CCDC134: variants seen among roughly 807,000 people sequenced by gnomAD.
CCDC134 encodes the protein coiled-coil domain containing 134.
A neutral mutation model predicts 25.6 loss-of-function variants in CCDC134; 27 were observed. That is an observed-to-expected ratio of 1.05 (90% CI 0.78 to 1.45). The LOEUF (loss-of-function observed/expected upper bound fraction) is 1.45. CCDC134 is among the 40% of genes most tolerant of loss of function. CCDC134 has a pLI of 0.00. For missense variants in CCDC134, 261 were observed against 286.7 expected (o/e 0.91, Z 0.65); for synonymous variants, 110 against 115.0 (o/e 0.96, Z 0.28).
chr22:41,825,288 C>T lies in CCDC134; in HGVS notation c.565-410C>T, dbSNP rs1468804891. The stretch of plus-strand genomic sequence containing the variant: ...CCGCCAATGAAGTCCTCATCCTCCA[C>T]CCCCCCACTTGCCTTGTCATCTGTG... On this transcript the variant is annotated intron_variant, in intron 6 of 6. Transcript: ENST00000255784. This position sits in a 1 kb window ranked among gnomAD's most constrained non-coding sequence, Gnocchi z 4.4. Among the ~76,000 whole-genome samples, 2 of 151,498 alleles carry T rather than the reference C, an allele frequency of 1.3e-5. No individual in the cohort carries two copies. Among genetic ancestry groups the T allele is most frequent in the Admixed American group, 6.6e-5 (1 of 15,232 alleles).
intron 1 of CCDC134, among the ~76,000 whole-genome samples, chr22:41,802,100 A>G (rs73885826): frequency 0.01 from 1,581 of 152,202 alleles, 26 homozygotes; most frequent in African/African-American, 0.037. Context: ...TGATCTTGTT[A>G]TCAGTCATTT....
intron 1 of CCDC134, 97 bp from the exon 2 acceptor site, chr22:41,808,778 G>A: frequency 2.1e-6 from 2 of 941,570 alleles, no homozygotes; most frequent in East Asian, 5.1e-5. Flanking sequence ...TACAGAGGCT[G>A]CACTATGTCG....
chr22:41,819,993 ATAT>A lies in CCDC134; in HGVS notation c.565-5704_565-5702del, dbSNP rs1569358012. 2.0e-3 allele frequency among the ~76,000 whole-genome samples: 265 copies of A among 133,052 alleles called. 5 individuals are homozygous for A. Among genetic ancestry groups the A allele is most frequent in the African/African-American group, 7.4e-3 (257 of 34,650 alleles). 87.3% of individuals were successfully genotyped at this position (133,052 alleles called of 152,430 possible). A position where few individuals can be genotyped will look rare whatever the true frequency, so the allele number is the denominator to read the frequency against. ...TATATATATATATATATATATATAT[ATAT>A]ATAATTTTTTTTTTTTGAGACGGAG... On this transcript the variant is annotated intron_variant, in intron 6 of 6. Coordinates refer to ENST00000255784, the MANE Select transcript of CCDC134 (RefSeq NM_024821.5).
intron 6 of CCDC134, among the ~76,000 whole-genome samples, chr22:41,822,300 A>G (rs1412187908): frequency 6.6e-6 from 1 of 152,184 alleles, no homozygotes. Flanking sequence ...GAGAGGAAAT[A>G]AATTGATGAC....
chr22:41,813,493 G>C (rs747219908), intron 5 of CCDC134, 48 bp downstream of exon 5: 5 of 1,598,356 alleles, frequency 3.1e-6, no homozygotes, highest in Non-Finnish European at 4.3e-6. Flanking sequence ...TCGGGTAGTG[G>C]ACTAGGATCC....
intron 3 of CCDC134, 86 bp downstream of exon 3, chr22:41,810,086 G>T: frequency 1.9e-6 from 3 of 1,598,610 alleles, no homozygotes; most frequent in South Asian, 1.1e-5. Context: ...TAACGGGTTG[G>T]TGTTCAGGGA....
In CCDC134 at chr22:41,831,587, G is replaced by A. The variant is rs1483977691; in HGVS notation, c.*5764G>A. On this transcript the variant is annotated 3_prime_UTR_variant, in exon 7 of 7. Transcript: ENST00000255784. ...GGCTGCCAGCAGCTCCTCCTGCCTC[G>A]AGGCCTTTGTCCATGTCATCATTTC... The A allele has an allele frequency of 1.3e-5, 2 of 152,190 alleles. No homozygotes were observed. The highest frequency in any genetic ancestry group is 4.8e-5 in the African/African-American group (2 of 41,446). 9.4% of individuals were successfully genotyped at this position (152,190 alleles called of 1,614,324 possible). A position where few individuals can be genotyped will look rare whatever the true frequency, so the allele number is the denominator to read the frequency against.
At chr22:41,824,102 A>G (rs1432328932) in intron 6 of CCDC134, among the ~76,000 whole-genome samples, 1 of 152,198 alleles carries the variant, frequency 6.6e-6, no homozygotes, top group Non-Finnish European at 1.5e-5. Flanking sequence ...ACCCTCATGG[A>G]ATGTGCTGTC....
chr22:41,810,074 C>A, intron 3 of CCDC134, 74 bp downstream of exon 3: 1 of 1,604,152 alleles, frequency 6.2e-7, no homozygotes, highest in Non-Finnish European at 8.5e-7. Flanking sequence ...ACAGGAGTTC[C>A]CTAACGGGTT....
In CCDC134 at chr22:41,813,275, G is replaced by A. The variant is rs200805727; in HGVS notation, c.322G>A (p.Val108Met). The change falls in exon 5 of 7, where the codon GTG (valine) becomes ATG (methionine). Residue 108 changes from valine to methionine, a missense_variant. Val to Met is a conservative substitution (Grantham distance 21). Transcript: ENST00000255784. ...DEKLKDAFSHVVENTAFFGDV... is the reference protein window; with the variant it reads ...DEKLKDAFSHMVENTAFFGDV... ...GGTCCTCTCGCCAGCTTTCTCCCACGTGGTGGAGAACACGGCCTTCTTCGG... is the reference window on the plus strand; with the variant it reads ...GGTCCTCTCGCCAGCTTTCTCCCACATGGTGGAGAACACGGCCTTCTTCGG... The A allele has an allele frequency of 2.5e-6, 4 of 1,614,196 alleles. No homozygotes were observed. The highest frequency in any genetic ancestry group is 2.2e-5 in the East Asian group (1 of 44,874).
intron 1 of CCDC134, among the ~76,000 whole-genome samples, chr22:41,802,222 C>G (rs1477516222): frequency 1.3e-5 from 2 of 149,640 alleles, no homozygotes; most frequent in African/African-American, 4.9e-5. Context: ...GTTTTTAACA[C>G]AAACGACTCT....
chr22:41,801,948 C>T (rs2076545580), intron 1 of CCDC134, among the ~76,000 whole-genome samples: 1 of 152,130 alleles, frequency 6.6e-6, no homozygotes, highest in African/African-American at 2.4e-5. Context: ...AGATAGTTAT[C>T]CTTGGCTACA....
chr22:41,810,882 T>C (rs535472412), intron 4 of CCDC134, among the ~76,000 whole-genome samples: 56 of 152,258 alleles, frequency 3.7e-4, no homozygotes, highest in African/African-American at 1.3e-3. Context: ...AACTCAAATC[T>C]CCACCATAAC....
intron 2 of CCDC134, among the ~76,000 whole-genome samples, chr22:41,809,433 T>C (rs2076583623): frequency 6.6e-6 from 1 of 152,164 alleles, no homozygotes; most frequent in Admixed American, 6.5e-5. Flanking sequence ...TGTTACTCTG[T>C]GACCAGTGCT....
chr22:41,807,791 C>T (rs1025985652), intron 1 of CCDC134, among the ~76,000 whole-genome samples: 1 of 151,752 alleles, frequency 6.6e-6, no homozygotes, highest in Non-Finnish European at 1.5e-5. Context: ...GAGGCTGGGG[C>T]GAGAGGATCT....
rs780457044 is a variant in CCDC134, at chr22:41,809,033, G to C, written c.103+40G>C. On this transcript the variant is annotated intron_variant, in intron 2 of 6. Coordinates refer to ENST00000255784, the MANE Select transcript of CCDC134 (RefSeq NM_024821.5). ...TGTAGTTAATGAGCTGTCTTTGAGAGGTCTATAAATGAGGTTCTTCTACTC... is the reference window on the plus strand; with the variant it reads ...TGTAGTTAATGAGCTGTCTTTGAGACGTCTATAAATGAGGTTCTTCTACTC... 3 of 1,518,968 alleles carry C rather than the reference G, an allele frequency of 2.0e-6. No homozygotes were observed. The African/African-American group carries it at 4.2e-5, about 21-fold the overall frequency. 94.1% of individuals were successfully genotyped at this position (1,518,968 alleles called of 1,614,324 possible). A position where few individuals can be genotyped will look rare whatever the true frequency, so the allele number is the denominator to read the frequency against.
rs2076678568 is a variant in CCDC134, at chr22:41,826,326, G to C, written c.*503G>C. 1 of 153,142 alleles carries C rather than the reference G, an allele frequency of 6.5e-6. No individual in the cohort carries two copies. The highest frequency in any genetic ancestry group is 1.5e-5 in the Non-Finnish European group (1 of 68,726). 9.5% of individuals were successfully genotyped at this position (153,142 alleles called of 1,614,324 possible). On this transcript the variant is annotated 3_prime_UTR_variant, in exon 7 of 7. Transcript: ENST00000255784. ...AAGGCTGGTGGGGACACTGTGAGGGGACCAGGGCCCCTCAGGGATGTAGAA... is the reference window on the plus strand; with the variant it reads ...AAGGCTGGTGGGGACACTGTGAGGGCACCAGGGCCCCTCAGGGATGTAGAA...
rs190832987 is a variant in CCDC134 at position 41,827,843 on chromosome 22, C to T, written c.*2020C>T. 6.6e-6 allele frequency among the ~76,000 whole-genome samples: 1 copy of T among 152,284 alleles called. No individual in the cohort carries two copies. Among genetic ancestry groups the T allele is most frequent in the East Asian group, 1.9e-4 (1 of 5,186 alleles). ...CTGGAGCTGGGTGTCAGGACCAGCC[C>T]GCAAGCTCTTCCCTGCCGGAAGGAC... On this transcript the variant is annotated 3_prime_UTR_variant, in exon 7 of 7. Transcript: ENST00000255784.
intron 6 of CCDC134, among the ~76,000 whole-genome samples, chr22:41,814,911 G>T (rs2076615354): frequency 1.3e-5 from 2 of 152,126 alleles, no homozygotes; most frequent in Admixed American, 6.5e-5. Context: ...GTGCATGCAG[G>T]GGGTGTGCAT....
Sources: gnomAD v4.1 joint callset for allele counts (sites outside exome capture counted in the v4.1 genomes callset) on GRCh38, gnomAD v4.1.1 for gene constraint, Gnocchi (gnomAD v3.1) non-coding constraint, MANE v1.5 for transcripts, NCBI Gene and HGNC (gene_info 2026-07-23, HGNC 2026-07-21) for gene names.